Variants in GTPBP1 observed in about 807,000 individuals in gnomAD.
GTPBP1 encodes the protein GTP binding protein 1.
Under a neutral mutation model 62.0 loss-of-function variants are expected in GTPBP1, and 23 were observed. That is an observed-to-expected ratio of 0.37 (90% CI 0.27 to 0.53). GTPBP1 has a LOEUF of 0.53. Ranked by LOEUF, GTPBP1 falls within the 20% of genes least tolerant of loss-of-function variation. The probability of loss-of-function intolerance (pLI) is 0.89; values close to 1 mark genes in which losing one functional copy is unlikely to be tolerated. For missense variants in GTPBP1, 640 were observed against 917.3 expected, an observed-to-expected ratio of 0.70 and a Z score of 3.90; for synonymous variants, 344 against 364.4, an observed-to-expected ratio of 0.94 and a Z score of 0.64.
At chr22:38,736,156 C>A, downstream of GTPBP1, 1 of 1,052,268 alleles carries the variant, frequency 9.5e-7, no homozygotes. Context: ...GGGCCACAGG[C>A]TCCTCTCTTG....
downstream of GTPBP1, chr22:38,742,715 C>T (rs1225946635): frequency 2.3e-6 from 2 of 878,660 alleles, no homozygotes; most frequent in Non-Finnish European, 3.3e-6. Flanking sequence ...TGGGCAGGGG[C>T]TGCCGACCTC....
rs138511604 is a variant in GTPBP1 at position 38,727,087 on chromosome 22, T to C, written c.1402-126T>C. On this transcript the variant is annotated intron_variant, in intron 8 of 11. Coordinates refer to ENST00000216044, the MANE Select transcript of GTPBP1 (RefSeq NM_004286.5). This position sits in a 1 kb window ranked among gnomAD's most constrained non-coding sequence, Gnocchi z 6.5. Reference sequence around the variant, plus strand: ...CCACCCTAGAAGGCCTGTGGTCCAGTTGGTGAGGAAACCAGGCAGAGTTGG... The same window carrying C: ...CCACCCTAGAAGGCCTGTGGTCCAGCTGGTGAGGAAACCAGGCAGAGTTGG... 110 of 886,932 alleles carry C rather than the reference T, an allele frequency of 1.2e-4. No individual in the cohort carries two copies. The African/African-American group carries it at 1.8e-3, about 15-fold the overall frequency. 54.9% of individuals were successfully genotyped at this position (886,932 alleles called of 1,614,324 possible). A position where few individuals can be genotyped will look rare whatever the true frequency, so the allele number is the denominator to read the frequency against.
chr22:38,708,276 A>T (rs1413141517), intron 1 of GTPBP1, among the ~76,000 whole-genome samples: 1 of 152,244 alleles, frequency 6.6e-6, no homozygotes, highest in Non-Finnish European at 1.5e-5. Context: ...TTGCAAAATG[A>T]CGGTGCTAAT....
downstream of GTPBP1, chr22:38,739,106 C>G: frequency 9.2e-7 from 1 of 1,088,290 alleles, no homozygotes; most frequent in Non-Finnish European, 1.4e-6. The surrounding 1 kb of genome is among the most constrained non-coding windows in gnomAD (Gnocchi z 6.7). Context: ...GCCTTTAACC[C>G]TAACCGAGAT....
At position 38,714,586 on chromosome 22, in the gene GTPBP1, G is replaced by A. The variant is rs146574246; in HGVS notation, c.305-1321G>A. On this transcript the variant is annotated intron_variant, in intron 2 of 11. Coordinates refer to ENST00000216044, the MANE Select transcript of GTPBP1 (RefSeq NM_004286.5). ...GATGGTGGGATAGTACAGTCAACACGCGTTGATGACTCTCGAGATGTTTGA... is the reference window on the plus strand; with the variant it reads ...GATGGTGGGATAGTACAGTCAACACACGTTGATGACTCTCGAGATGTTTGA... 1.5e-3 allele frequency among the ~76,000 whole-genome samples: 227 copies of A among 151,932 alleles called. 1 individual carries two copies. Among genetic ancestry groups the A allele is most frequent in the South Asian group, 0.013 (61 of 4,808 alleles).
At chr22:38,706,240 C>G in intron 1 of GTPBP1, 93 bp downstream of exon 1, 9 of 792,008 alleles carry the variant, frequency 1.1e-5, no homozygotes, top group East Asian at 3.7e-5. Context: ...CCGCCCTGTC[C>G]GCGGGGAGCG....
At chr22:38,710,288 T>C (rs1438242736) in intron 2 of GTPBP1, among the ~76,000 whole-genome samples, 1 of 152,210 alleles carries the variant, frequency 6.6e-6, no homozygotes, top group Non-Finnish European at 1.5e-5. Flanking sequence ...TGCAAAGCTC[T>C]TTTGGAAACT....
downstream of GTPBP1, chr22:38,739,450 G>T (rs1310101260): frequency 1.9e-6 from 3 of 1,611,430 alleles, 1 homozygote; most frequent in Non-Finnish European, 2.5e-6. This position sits in a 1 kb window ranked among gnomAD's most constrained non-coding sequence, Gnocchi z 6.7. Context: ...ACCAGGAGAC[G>T]GTTGCAGCAG....
intron 2 of GTPBP1, among the ~76,000 whole-genome samples, 172 bp downstream of exon 2, chr22:38,709,128 CA>C (rs1467906078): frequency 4.1e-4 from 62 of 152,128 alleles, no homozygotes; most frequent in Middle Eastern, 6.8e-3. Context: ...ACTAAAAATA[CA>C]AAAAATTAGC....
downstream of GTPBP1, chr22:38,741,087 A>G: frequency 6.4e-7 from 1 of 1,572,970 alleles, no homozygotes; most frequent in Non-Finnish European, 8.6e-7. Context: ...AGAAATACTC[A>G]TCTCAGAAAT....
intron 4 of GTPBP1, among the ~76,000 whole-genome samples, chr22:38,721,295 C>G (rs981543112): frequency 6.6e-6 from 1 of 152,316 alleles, no homozygotes; most frequent in East Asian, 1.9e-4. Flanking sequence ...TCAGGCTGGT[C>G]GCGAACTCCC....
chr22:38,742,516 G>A (rs764214012), downstream of GTPBP1: 14 of 1,612,994 alleles, frequency 8.7e-6, no homozygotes, highest in African/African-American at 8.0e-5. Context: ...TCCAGACGCC[G>A]CTCCAGAGAG....
rs1259487050 is a variant in GTPBP1 at position 38,727,443 on chromosome 22, G to A, written c.1537+95G>A. 1 of 1,262,396 alleles carries A rather than the reference G, an allele frequency of 7.9e-7. No individual in the cohort carries two copies. The highest frequency in any genetic ancestry group is 1.5e-5 in the African/African-American group (1 of 65,100). The allele number at this position is 1,262,396 out of a possible 1,614,324, so 78.2% of individuals were successfully genotyped here. On this transcript the variant is annotated intron_variant, in intron 9 of 11. Coordinates refer to ENST00000216044, the MANE Select transcript of GTPBP1 (RefSeq NM_004286.5). This position sits in a 1 kb window ranked among gnomAD's most constrained non-coding sequence, Gnocchi z 6.5. ...CCCAGGCCCCCTAGTTCCAGCTGCA[G>A]CTGGGTGGTAGGCCTCCTTCCTGTT... is the stretch of plus-strand genomic sequence containing the variant.
rs2092760792 is a variant in GTPBP1, at chr22:38,731,577, C to A, written c.*873C>A. 1 of 152,794 alleles carries A rather than the reference C, an allele frequency of 6.5e-6. No individual in the cohort carries two copies. Among genetic ancestry groups the A allele is most frequent in the South Asian group, 2.1e-4 (1 of 4,838 alleles). 9.5% of individuals were successfully genotyped at this position (152,794 alleles called of 1,614,324 possible). Reference sequence around the variant, plus strand: ...CCTCAGCTTTCGCTGATCTGCCCGGCCTGGAGCCTCCCATCACCCCGCTTC... The same window carrying A: ...CCTCAGCTTTCGCTGATCTGCCCGGACTGGAGCCTCCCATCACCCCGCTTC... On this transcript the variant is annotated 3_prime_UTR_variant, in exon 12 of 12. Transcript: ENST00000216044.
intron 2 of GTPBP1, among the ~76,000 whole-genome samples, chr22:38,713,984 G>A (rs553367332): frequency 6.6e-6 from 1 of 152,172 alleles, no homozygotes; most frequent in African/African-American, 2.4e-5. Flanking sequence ...GGAGGAAACA[G>A]AACAGGGCCA....
chr22:38,709,246 C>T (rs2092624244), intron 2 of GTPBP1, among the ~76,000 whole-genome samples: 1 of 151,884 alleles, frequency 6.6e-6, no homozygotes, highest in Non-Finnish European at 1.5e-5. Flanking sequence ...GAGCCAAGAT[C>T]GTGCCATTGT....
chr22:38,738,920 C>T (rs750800615), downstream of GTPBP1: 26 of 1,612,112 alleles, frequency 1.6e-5, no homozygotes, highest in African/African-American at 1.2e-4. The surrounding 1 kb of genome is among the most constrained non-coding windows in gnomAD (Gnocchi z 6.6). Flanking sequence ...AGGGGGATGC[C>T]GAAGAGGCTG....
At chr22:38,738,442 G>C (rs2092826196), downstream of GTPBP1, 2 of 1,205,656 alleles carry the variant, frequency 1.7e-6, no homozygotes, top group Non-Finnish European at 2.4e-6. This position sits in a 1 kb window ranked among gnomAD's most constrained non-coding sequence, Gnocchi z 6.6. Context: ...AGGGACTGAA[G>C]TGCTGTCTCC....
chr22:38,708,521 C>T (rs966979258), intron 1 of GTPBP1, among the ~76,000 whole-genome samples: 1 of 152,172 alleles, frequency 6.6e-6, no homozygotes, highest in African/African-American at 2.4e-5. Context: ...GAAAGCACTG[C>T]GCTTTCTATC....
Sources: allele counts gnomAD v4.1 joint callset (sites outside exome capture counted in the v4.1 genomes callset), GRCh38; gene constraint gnomAD v4.1.1; non-coding constraint Gnocchi (gnomAD v3.1); transcripts MANE v1.5; gene names NCBI Gene and HGNC (gene_info 2026-07-23, HGNC 2026-07-21).